The following PANK3 variants were observed in gnomAD, a reference collection of about 807,000 sequenced individuals.
The protein encoded by PANK3 is hPanK3.
In PANK3, 20 loss-of-function variants were observed where a neutral mutation model predicts 39.4. The ratio of observed to expected loss-of-function variants is 0.51; its 90% CI spans 0.36 to 0.74. The LOEUF is 0.74. Among genes scored for constraint, PANK3 ranks in the 30% least tolerant of loss-of-function variants. The pLI is 0.00. For missense variants in PANK3, 265 were observed against 437.0 expected (o/e 0.61, Z 3.51); for synonymous variants, 140 against 157.3 (o/e 0.89, Z 0.82).
rs1168071626 is a variant in PANK3, at chr5:168,555,726, T to C, written c.*1845A>G. 3.3e-5 allele frequency: 5 copies of C among 152,268 alleles called. No homozygotes were observed. Among genetic ancestry groups the C allele is most frequent in the Non-Finnish European group, 5.9e-5 (4 of 68,048 alleles). 9.4% of individuals were successfully genotyped at this position (152,268 alleles called of 1,614,324 possible). A position where few individuals can be genotyped will look rare whatever the true frequency, so the allele number is the denominator to read the frequency against. On this transcript the variant is annotated 3_prime_UTR_variant, in exon 7 of 7. Transcript: ENST00000239231. Reference sequence around the variant, plus strand: ...TACATATGGGTAGTGGCTACTGCACTGGACATCGAAGTTCTAGAACTCTCT... The same window carrying C: ...TACATATGGGTAGTGGCTACTGCACCGGACATCGAAGTTCTAGAACTCTCT...
rs529067475 is a variant in PANK3 at position 168,576,865 on chromosome 5, ATAATAT to A, written c.28+2385_28+2390del. On this transcript the variant is annotated intron_variant, in intron 1 of 6. Coordinates refer to ENST00000239231, the MANE Select transcript of PANK3 (RefSeq NM_024594.4). ...TTAACCTGAGTGATTTAAAGTTAAA[ATAATAT>A]TAATATTATTATTATTATTATTATT... is the stretch of plus-strand genomic sequence containing the variant. Among the ~76,000 whole-genome samples the A allele has an allele frequency of 2.0e-3, 301 of 151,590 alleles. 1 individual carries two copies. The highest frequency in any genetic ancestry group is 5.0e-3 in the Admixed American group (76 of 15,224).
intron 3 of PANK3, among the ~76,000 whole-genome samples, 160 bp downstream of exon 3, chr5:168,565,844 ACCCTCTTTC>A: frequency 1.6e-5 from 2 of 121,706 alleles, no homozygotes; most frequent in African/African-American, 6.2e-5. Flanking sequence ...GCAACATGGC[ACCCTCTTTC>A]ACTTAAAAAA....
At chr5:168,579,187 A>C (rs974885503) in intron 1 of PANK3, 69 bp downstream of exon 1, 9 of 1,393,504 alleles carry the variant, frequency 6.5e-6, no homozygotes, top group Non-Finnish European at 8.5e-6. Context: ...CCGACCGCCC[A>C]GCCAAGGGGC....
intron 1 of PANK3, among the ~76,000 whole-genome samples, chr5:168,577,663 A>G (rs1759750186): frequency 6.6e-6 from 1 of 152,178 alleles, no homozygotes; most frequent in Non-Finnish European, 1.5e-5. Flanking sequence ...TCTCATAATA[A>G]TCTTTATAAT....
At chr5:168,557,918 T>C (rs1271587685) in intron 6 of PANK3, among the ~76,000 whole-genome samples, 2 of 152,188 alleles carry the variant, frequency 1.3e-5, no homozygotes, top group Non-Finnish European at 2.9e-5. Flanking sequence ...TCTCAGCCTC[T>C]TGAATAGCTG....
intron 4 of PANK3, among the ~76,000 whole-genome samples, chr5:168,562,006 C>T (rs935043470): frequency 8.5e-5 from 13 of 152,228 alleles, no homozygotes; most frequent in African/African-American, 3.1e-4. Context: ...CTATTAGCCA[C>T]ATTAAAAAGG....
At chr5:168,566,586 A>G (rs72836399) in intron 2 of PANK3, among the ~76,000 whole-genome samples, 20,065 of 152,166 alleles carry the variant, frequency 0.13, 1,779 homozygotes, top group Non-Finnish European at 0.19. Context: ...CCATCTATGC[A>G]TTATCTTTGA....
rs1305708455 is a variant in PANK3 at position 168,556,713 on chromosome 5, A to G, written c.*858T>C. 3 of 152,648 alleles carry G rather than the reference A, an allele frequency of 2.0e-5. No homozygotes were observed. The highest frequency in any genetic ancestry group is 4.4e-5 in the Non-Finnish European group (3 of 68,044). The allele number at this position is 152,648 out of a possible 1,614,324, so 9.5% of individuals were successfully genotyped here. A position where few individuals can be genotyped will look rare whatever the true frequency, so the allele number is the denominator to read the frequency against. On this transcript the variant is annotated 3_prime_UTR_variant, in exon 7 of 7. Transcript: ENST00000239231. ...ATTTACAGATGAATTTTCTATTATT[A>G]ATGTTATTGTGGTTGTTTTAAAATA...
Position 168,566,284 on chromosome 5 carries a change from CAAA to C in PANK3, c.382-21_382-19del, listed in dbSNP as rs756452488. 6.5e-7 allele frequency: 1 copy of C among 1,547,048 alleles called. No individual in the cohort carries two copies. The highest frequency in any genetic ancestry group is 8.7e-7 in the Non-Finnish European group (1 of 1,143,608). Reference sequence around the variant, plus strand: ...TTTCCAATCTGTTAAAACAAACAAACAAAAACAAAAAAGGATGACATTCAAAAA... The same window carrying C: ...TTTCCAATCTGTTAAAACAAACAAACAACAAAAAAGGATGACATTCAAAAA... On this transcript the variant is annotated intron_variant, in intron 2 of 6. Coordinates refer to ENST00000239231, the MANE Select transcript of PANK3 (RefSeq NM_024594.4).
intron 4 of PANK3, among the ~76,000 whole-genome samples, chr5:168,562,161 T>A (rs1561840194): frequency 6.6e-6 from 1 of 151,942 alleles, no homozygotes; most frequent in Non-Finnish European, 1.5e-5. Context: ...CAGGCCTACA[T>A]ACAAAAGACA....
At chr5:168,569,829 A>T (rs1759597901) in intron 1 of PANK3, among the ~76,000 whole-genome samples, 1 of 151,808 alleles carries the variant, frequency 6.6e-6, no homozygotes, top group African/African-American at 2.4e-5. Flanking sequence ...GGTAGGGGGG[A>T]TCGCTTGAAA....
chr5:168,557,685 C>A (rs1187905394), intron 6 of PANK3, 64 bp from the exon 7 acceptor site: 2 of 1,257,998 alleles, frequency 1.6e-6, no homozygotes, highest in Non-Finnish European at 2.3e-6. Context: ...ATATTAACCA[C>A]TTGAGAACAC....
At position 168,563,960 on chromosome 5, in the gene PANK3, G is replaced by A. The variant is rs1225146153; in HGVS notation, c.741C>T (p.Asp247=). 1.9e-6 allele frequency: 3 copies of A among 1,613,056 alleles called. No homozygotes were observed. Among genetic ancestry groups the A allele is most frequent in the Admixed American group, 1.7e-5 (1 of 59,840 alleles). Residue 247 remains aspartate (D), a synonymous_variant, in exon 4 of 7, where the codon GAC becomes GAT. Transcript: ENST00000239231. The stretch of plus-strand genomic sequence containing the variant: ...CTCCATAAATATCACGGACCAGCTT[G>A]TCAGCTTGTGTGCTATCACCTTTGG... ...MASKGDSTQA[D]KLVRDIYGGD...
chr5:168,579,199 T>G, intron 1 of PANK3, 57 bp downstream of exon 1: 1 of 1,443,640 alleles, frequency 6.9e-7, no homozygotes, highest in South Asian at 1.4e-5. Context: ...CCAAGGGGCT[T>G]TCAGACGGGG....
chr5:168,559,958 T>C (rs1759416702), intron 5 of PANK3, among the ~76,000 whole-genome samples: 1 of 152,214 alleles, frequency 6.6e-6, no homozygotes, highest in South Asian at 2.1e-4. Flanking sequence ...AGATTATCTC[T>C]ATGATTAGGA....
intron 3 of PANK3, among the ~76,000 whole-genome samples, chr5:168,565,487 T>C (rs191960721): frequency 2.0e-4 from 31 of 152,008 alleles, no homozygotes; most frequent in African/African-American, 7.5e-4. Context: ...AGTCAAAAAA[T>C]AGGTAAAGAA....
chr5:168,555,388 G>A lies in PANK3; in HGVS notation c.*2183C>T, dbSNP rs544332148. Reference sequence around the variant, plus strand: ...GCCTCCCAAGTAGCTGGGACTACAGGTGCGCACCACCATGCCTGGCTAATT... The same window carrying A: ...GCCTCCCAAGTAGCTGGGACTACAGATGCGCACCACCATGCCTGGCTAATT... On this transcript the variant is annotated 3_prime_UTR_variant, in exon 7 of 7. Transcript: ENST00000239231. The A allele has an allele frequency of 1.2e-4, 18 of 152,448 alleles. No homozygotes were observed. Among genetic ancestry groups the A allele is most frequent in the South Asian group, 4.1e-4 (2 of 4,822 alleles). The allele number at this position is 152,448 out of a possible 1,614,324, so 9.4% of individuals were successfully genotyped here. A position where few individuals can be genotyped will look rare whatever the true frequency, so the allele number is the denominator to read the frequency against.
intron 5 of PANK3, among the ~76,000 whole-genome samples, chr5:168,559,984 A>C (rs1759417215): frequency 6.6e-6 from 1 of 152,136 alleles, no homozygotes; most frequent in Non-Finnish European, 1.5e-5. Flanking sequence ...TACAAAGGGG[A>C]ACTGGTGTTT....
Position 168,569,030 on chromosome 5 carries a change from A to AAAAATATATATAT in PANK3, c.29-33_29-32insATATATATATTTT, listed in dbSNP as rs1554125888. On this transcript the variant is annotated intron_variant, in intron 1 of 6. Coordinates refer to ENST00000239231, the MANE Select transcript of PANK3 (RefSeq NM_024594.4). ...GAGGAAAAAAAAAAAAAAAAAAAAA[A>AAAAATATATATAT]ATATATATATATATATATATCCATT... 115 of 120,262 alleles carry AAAAATATATATAT rather than the reference A, an allele frequency of 9.6e-4. No individual in the cohort carries two copies. In the East Asian group the frequency reaches 9.6e-3, roughly 10 times the overall value. The allele number at this position is 120,262 out of a possible 1,614,324, so 7.4% of individuals were successfully genotyped here. A position where few individuals can be genotyped will look rare whatever the true frequency, so the allele number is the denominator to read the frequency against.
Sources: gnomAD v4.1 joint callset for allele counts (sites outside exome capture counted in the v4.1 genomes callset) on GRCh38, gnomAD v4.1.1 for gene constraint, MANE v1.5 for transcripts, NCBI Gene and HGNC (gene_info 2026-07-23, HGNC 2026-07-21) for gene names.